The following MAP3K3 variants were observed in gnomAD, a reference collection of about 807,000 sequenced individuals.
MAP3K3 encodes mitogen-activated protein kinase kinase kinase 3.
Under a neutral mutation model 80.9 loss-of-function variants are expected in MAP3K3, and 12 were observed. The ratio of observed to expected loss-of-function variants is 0.15; its 90% CI spans 0.10 to 0.24. The LOEUF (loss-of-function observed/expected upper bound fraction) is 0.24, where lower values mean the gene tolerates loss of function less well. Among genes scored for constraint, MAP3K3 ranks in the 10% least tolerant of loss-of-function variants. The pLI is 1.00. For missense variants in MAP3K3, 596 were observed against 834.7 expected, an observed-to-expected ratio of 0.71 and a Z score of 3.52; for synonymous variants, 272 against 307.1, an observed-to-expected ratio of 0.89 and a Z score of 1.19.
Position 63,657,783 on chromosome 17 carries a change from T to G in MAP3K3, c.268-11T>G. 1 of 1,263,082 alleles carries G rather than the reference T, an allele frequency of 7.9e-7. No homozygotes were observed. The allele number at this position is 1,263,082 out of a possible 1,614,324, so 78.2% of individuals were successfully genotyped here. ...TTATATTATTTTCCTTTTCTATGTC[T>G]TGTATCACAGCTCTCCATCCTGCTG... On this transcript the variant is annotated splice_polypyrimidine_tract_variant and intron_variant, in intron 4 of 15. Coordinates refer to ENST00000361733, the MANE Select transcript of MAP3K3 (RefSeq NM_002401.5).
chr17:63,686,729 C>T (rs1208345016), intron 8 of MAP3K3, among the ~76,000 whole-genome samples: 1 of 152,102 alleles, frequency 6.6e-6, no homozygotes, highest in African/African-American at 2.4e-5. Flanking sequence ...GCTAAATTTA[C>T]CCGCCTCTCT....
Position 63,654,941 on chromosome 17 carries a change from C to G in MAP3K3, c.267+2285C>G, listed in dbSNP as rs199943109. Among the ~76,000 whole-genome samples, 129 of 151,966 alleles carry G rather than the reference C, an allele frequency of 8.5e-4. No individual in the cohort carries two copies. The East Asian group carries it at 0.023, about 27-fold the overall frequency. ...GTCCCAGCTACTCAGGAGCCTGAGG[C>G]AGAAGAATTACTTGAACCCGAGAGG... On this transcript the variant is annotated intron_variant, in intron 4 of 15. Coordinates refer to ENST00000361733, the MANE Select transcript of MAP3K3 (RefSeq NM_002401.5).
chr17:63,650,041 A>G (rs149603438), intron 3 of MAP3K3, among the ~76,000 whole-genome samples: 2 of 152,304 alleles, frequency 1.3e-5, no homozygotes, highest in African/African-American at 4.8e-5. Flanking sequence ...CCATGGCTGA[A>G]TACTGCTTGC....
rs976399631 is a variant in MAP3K3, at chr17:63,622,451, G to GC, written c.-307dup. On this transcript the variant is annotated 5_prime_UTR_variant, in exon 1 of 16. Coordinates refer to ENST00000361733, the MANE Select transcript of MAP3K3 (RefSeq NM_002401.5). The stretch of plus-strand genomic sequence containing the variant: ...AGCGTTCCTGAGGTGGAGAACGGTG[G>GC]CCGGACGGAGAGACTGCGGGTCTGA... The GC allele has an allele frequency of 1.3e-5, 2 of 153,140 alleles. No individual in the cohort carries two copies. Among genetic ancestry groups the GC allele is most frequent in the African/African-American group, 2.4e-5 (1 of 41,424 alleles). 9.5% of individuals were successfully genotyped at this position (153,140 alleles called of 1,614,324 possible).
chr17:63,656,161 C>T (rs879359969), intron 4 of MAP3K3, among the ~76,000 whole-genome samples: 2 of 151,666 alleles, frequency 1.3e-5, no homozygotes, highest in Admixed American at 6.6e-5. Flanking sequence ...GCCCAGGAGG[C>T]GGAGGTTGCT....
chr17:63,657,716 AT>A (rs1432455323), intron 4 of MAP3K3, 77 bp from the exon 5 acceptor site: 1 of 621,876 alleles, frequency 1.6e-6, no homozygotes, highest in Non-Finnish European at 2.8e-6. Context: ...TTTTTTGTTT[AT>A]TTTATTTCTG....
Position 63,689,855 on chromosome 17 carries a change from C to A in MAP3K3, c.1063+120C>A. The A allele has an allele frequency of 4.4e-6, 4 of 902,674 alleles. No individual in the cohort carries two copies. The highest frequency in any genetic ancestry group is 1.7e-5 in the South Asian group (1 of 58,062). 55.9% of individuals were successfully genotyped at this position (902,674 alleles called of 1,614,324 possible). On this transcript the variant is annotated intron_variant, in intron 11 of 15. Transcript: ENST00000361733. This position sits in a 1 kb window ranked among gnomAD's most constrained non-coding sequence, Gnocchi z 4.3. Reference sequence around the variant, plus strand: ...GCAGGTGGTGGCTTTGGCCCAAATGCACCACATGGGATAAGCCTTGGAGTG... The same window carrying A: ...GCAGGTGGTGGCTTTGGCCCAAATGAACCACATGGGATAAGCCTTGGAGTG...
intron 2 of MAP3K3, among the ~76,000 whole-genome samples, chr17:63,633,790 T>C (rs188260091): frequency 1.7e-3 from 262 of 152,324 alleles, no homozygotes; most frequent in African/African-American, 5.9e-3. Context: ...CTAGCTATAT[T>C]GGGCATGTTT....
intron 6 of MAP3K3, among the ~76,000 whole-genome samples, chr17:63,673,951 G>A (rs942128262): frequency 2.0e-5 from 3 of 151,862 alleles, no homozygotes; most frequent in Admixed American, 6.6e-5. Flanking sequence ...GTGGTCGTGC[G>A]CATCTGTAAT....
chr17:63,694,217 C>G lies in MAP3K3; in HGVS notation c.*440C>G, dbSNP rs2035648331. The stretch of plus-strand genomic sequence containing the variant: ...ATGTCTGGAGACCACCAGGGCATCT[C>G]TGGGCTGGATGAGCTCCCACAAGCC... On this transcript the variant is annotated 3_prime_UTR_variant, in exon 16 of 16. Transcript: ENST00000361733. The G allele has an allele frequency of 6.5e-6, 1 of 154,888 alleles. No homozygotes were observed. Among genetic ancestry groups the G allele is most frequent in the Admixed American group, 6.5e-5 (1 of 15,314 alleles). 9.6% of individuals were successfully genotyped at this position (154,888 alleles called of 1,614,324 possible).
intron 3 of MAP3K3, among the ~76,000 whole-genome samples, 177 bp downstream of exon 3, chr17:63,646,251 C>A (rs1489225150): frequency 1.3e-5 from 2 of 152,278 alleles, no homozygotes; most frequent in African/African-American, 4.8e-5. Flanking sequence ...ACTAATTGAA[C>A]CTTGTTCCTA....
intron 8 of MAP3K3, 188 bp from the exon 9 acceptor site, chr17:63,688,339 T>G: frequency 1.6e-6 from 1 of 615,870 alleles, no homozygotes. Context: ...CTGTCAAATT[T>G]GGGTCACAGA....
intron 2 of MAP3K3, among the ~76,000 whole-genome samples, chr17:63,638,372 A>G (rs1303878705): frequency 6.6e-6 from 1 of 152,192 alleles, no homozygotes; most frequent in Admixed American, 6.5e-5. Context: ...AATGATGGGT[A>G]ACTGAGGCCT....
At chr17:63,690,956 A>G in intron 12 of MAP3K3, 146 bp from the exon 13 acceptor site, 1 of 925,702 alleles carries the variant, frequency 1.1e-6, no homozygotes, top group Non-Finnish European at 1.6e-6. Context: ...GCCAAGAGCT[A>G]GACAGTTAAG....
At chr17:63,634,808 A>T in intron 2 of MAP3K3, 1 of 1,611,562 alleles carries the variant, frequency 6.2e-7, no homozygotes, top group Non-Finnish European at 8.5e-7. Flanking sequence ...TTTGGTAAGG[A>T]TCCAGATTAC....
chr17:63,632,785 G>A lies in MAP3K3; in HGVS notation c.109G>A (p.Gly37Ser). The change falls in exon 2 of 16, where the codon GGT (glycine) becomes AGT (serine). Residue 37 changes from glycine (G) to serine (S), a missense_variant. Gly to Ser is a moderately conservative substitution (Grantham distance 56). Coordinates refer to ENST00000361733, the MANE Select transcript of MAP3K3 (RefSeq NM_002401.5). ...GYETMKNKDT[G>S]HSNRQSDVRI... ...TGAGACCATGAAGAACAAAGACACAGGTCACTCAAATAGGCAGGTGTGTGT... is the reference window on the plus strand; with the variant it reads ...TGAGACCATGAAGAACAAAGACACAAGTCACTCAAATAGGCAGGTGTGTGT... The A allele has an allele frequency of 6.2e-7, 1 of 1,614,082 alleles. No homozygotes were observed. The highest frequency in any genetic ancestry group is 8.5e-7 in the Non-Finnish European group (1 of 1,179,988).
At position 63,646,064 on chromosome 17, in the gene MAP3K3, G is replaced by A. The variant is rs149314666; in HGVS notation, c.157G>A (p.Gly53Arg). ...CGTCAGAATCAAGTTCGAGCACAAC[G>A]GGGAGAGGCGGTAAGTCTGCCTTCT... ...SDVRIKFEHN[G>R]ERRIIAFSRP... Residue 53 changes from glycine to arginine, a missense_variant, in exon 3 of 16, where the codon GGG becomes AGG. Physicochemically the swap from Gly to Arg is moderately radical, Grantham distance 125. Coordinates refer to ENST00000361733, the MANE Select transcript of MAP3K3 (RefSeq NM_002401.5). 10 of 1,613,870 alleles carry A rather than the reference G, an allele frequency of 6.2e-6. No individual in the cohort carries two copies. The African/African-American group carries it at 9.3e-5, about 15-fold the overall frequency.
In MAP3K3 at chr17:63,684,104, A is replaced by G. The variant is rs141308393; in HGVS notation, c.637-1413A>G. On this transcript the variant is annotated intron_variant, in intron 7 of 15. Coordinates refer to ENST00000361733, the MANE Select transcript of MAP3K3 (RefSeq NM_002401.5). ...TTGAGCCCAGGCTGCAGTGAATTGC[A>G]CTCCAGCTTAGGTGACAGAATGAGA... 3.2e-3 allele frequency among the ~76,000 whole-genome samples: 483 copies of G among 152,196 alleles called. 6 individuals carry two copies. The highest frequency in any genetic ancestry group is 0.011 in the African/African-American group (471 of 41,478).
intron 5 of MAP3K3, among the ~76,000 whole-genome samples, chr17:63,664,647 G>C (rs2143445473): frequency 6.6e-6 from 1 of 152,214 alleles, no homozygotes; most frequent in Middle Eastern, 3.4e-3. Context: ...GTTTGTGTTA[G>C]CCACAGCTAA....
Sources: gnomAD v4.1 joint callset for allele counts (sites outside exome capture counted in the v4.1 genomes callset) on GRCh38, gnomAD v4.1.1 for gene constraint, Gnocchi (gnomAD v3.1) non-coding constraint, MANE v1.5 for transcripts, NCBI Gene and HGNC (gene_info 2026-07-23, HGNC 2026-07-21) for gene names.